Variants in ARL13B observed in about 807,000 individuals in gnomAD.
The protein encoded by ARL13B is ADP-ribosylation factor-like protein 13B.
ARL13B carries 36 observed loss-of-function variants against 56.1 expected under a neutral mutation model. The observed-to-expected ratio is 0.64, with a 90% CI of 0.49 to 0.85. The LOEUF (loss-of-function observed/expected upper bound fraction) is 0.85, where lower values mean the gene tolerates loss of function less well. Among genes scored for constraint, ARL13B ranks in the 40% least tolerant of loss-of-function variants. The pLI is 0.00. For missense variants in ARL13B, 519 were observed against 507.1 expected, an observed-to-expected ratio of 1.02 and a Z score of -0.23; for synonymous variants, 178 against 171.1, an observed-to-expected ratio of 1.04 and a Z score of -0.32.
chr3:93,985,161 T>C (rs186940138), intron 1 of ARL13B, among the ~76,000 whole-genome samples: 4 of 152,368 alleles, frequency 2.6e-5, no homozygotes, highest in Admixed American at 2.6e-4. Flanking sequence ...TTTTCATTTT[T>C]AACATTAAAA....
chr3:94,009,098 T>TAGATAGAC, intron 3 of ARL13B, among the ~76,000 whole-genome samples: 1 of 151,732 alleles, frequency 6.6e-6, no homozygotes, highest in South Asian at 2.1e-4. Flanking sequence ...GATAGATAGA[T>TAGATAGAC]AGATAGATAG....
chr3:93,988,954 G>A (rs977115706), intron 1 of ARL13B: 16 of 296,004 alleles, frequency 5.4e-5, no homozygotes, highest in Non-Finnish European at 1.0e-4. Context: ...CATCTTGGCG[G>A]CAGGAGGGGC....
intron 5 of ARL13B, among the ~76,000 whole-genome samples, chr3:94,039,415 G>T (rs1449027932): frequency 6.6e-6 from 1 of 150,904 alleles, no homozygotes; most frequent in African/African-American, 2.4e-5. Context: ...CAGGAGAATG[G>T]CGTGAACCCG....
chr3:94,012,139 G>A (rs2076234824), intron 3 of ARL13B, among the ~76,000 whole-genome samples: 1 of 151,864 alleles, frequency 6.6e-6, no homozygotes, highest in African/African-American at 2.4e-5. Flanking sequence ...AAATACTCCA[G>A]GCCCTTATCT....
rs11396818 is a variant in ARL13B, at chr3:93,981,865, C to CAAAAAAAAA, written c.59+1399_59+1407dup. Among the ~76,000 whole-genome samples the CAAAAAAAAA allele has an allele frequency of 1.8e-3, 123 of 68,152 alleles. 1 individual carries two copies. The highest frequency in any genetic ancestry group is 2.3e-3 in the Admixed American group (11 of 4,736). The allele number at this position is 68,152 out of a possible 152,430, so 44.7% of individuals were successfully genotyped here. ...TGAGTGACACAGTGCAACCCTGTCT[C>CAAAAAAAAA]AAAAAAAAAAAAAAAAAAAAAAAAG... is the stretch of plus-strand genomic sequence containing the variant. On this transcript the variant is annotated intron_variant, in intron 1 of 9. Coordinates refer to ENST00000394222, the MANE Select transcript of ARL13B (RefSeq NM_001174150.2).
intron 2 of ARL13B, chr3:93,996,744 T>C (rs1275631947): frequency 4.5e-6 from 1 of 222,888 alleles, no homozygotes; most frequent in Non-Finnish European, 1.0e-5. Flanking sequence ...GTGACTTTGT[T>C]GGGCACCTAG....
At chr3:94,017,512 G>A (rs1403473285) in intron 3 of ARL13B, among the ~76,000 whole-genome samples, 2 of 151,994 alleles carry the variant, frequency 1.3e-5, no homozygotes, top group Non-Finnish European at 2.9e-5. Flanking sequence ...CCAATGTCCT[G>A]GTAATATTCC....
intron 9 of ARL13B, among the ~76,000 whole-genome samples, chr3:94,051,592 A>T (rs2077068337): frequency 6.6e-6 from 1 of 152,124 alleles, no homozygotes; most frequent in Admixed American, 6.5e-5. Context: ...CCATCAGTCT[A>T]GGTCCCTTCA....
chr3:93,985,130 C>T (rs1710392287), intron 1 of ARL13B, among the ~76,000 whole-genome samples: 1 of 152,146 alleles, frequency 6.6e-6, no homozygotes, highest in Non-Finnish European at 1.5e-5. Flanking sequence ...TTCACATATA[C>T]TTTTTTCTTG....
intron 9 of ARL13B, among the ~76,000 whole-genome samples, chr3:94,052,723 T>A (rs948228176): frequency 2.0e-5 from 3 of 152,160 alleles, no homozygotes; most frequent in African/African-American, 7.2e-5. Context: ...CTTTTATTTT[T>A]AAAAGGGAAA....
intron 1 of ARL13B, chr3:93,988,884 A>G: frequency 2.8e-6 from 1 of 361,720 alleles, no homozygotes; most frequent in Non-Finnish European, 5.5e-6. Flanking sequence ...ACAAGTGCGC[A>G]GATCTCCTCT....
chr3:94,038,337 A>C lies in ARL13B; in HGVS notation c.690-1543A>C, dbSNP rs1044178386. 2.0e-5 allele frequency among the ~76,000 whole-genome samples: 3 copies of C among 152,246 alleles called. No homozygotes were observed. The East Asian group carries it at 5.8e-4, about 29-fold the overall frequency. On this transcript the variant is annotated intron_variant, in intron 5 of 9. Coordinates refer to ENST00000394222, the MANE Select transcript of ARL13B (RefSeq NM_001174150.2). ...AAAGTCACAGAAGTAGTAAATTGCA[A>C]ATCTCCAAATCTTGGCTTCCTAGGT...
Position 94,036,704 on chromosome 3 carries a change from A to G in ARL13B, c.639A>G (p.Glu213=). The G allele has an allele frequency of 6.8e-6, 11 of 1,613,956 alleles. No homozygotes were observed. The highest frequency in any genetic ancestry group is 9.3e-6 in the Non-Finnish European group (11 of 1,179,882). Residue 213 remains glutamate (E), a synonymous_variant, in exon 5 of 10, where the codon GAA becomes GAG. Transcript: ENST00000394222. ...CAACAGAGCAGCGTGCTCTTGAGGA[A>G]CAAGAGAAACAAGAAAGAGCTGAAC... ...KETTEQRALE[E]QEKQERAERV...
chr3:94,032,300 A>C (rs2076689910), intron 3 of ARL13B, among the ~76,000 whole-genome samples: 1 of 152,218 alleles, frequency 6.6e-6, no homozygotes, highest in Admixed American at 6.5e-5. Flanking sequence ...ATATGAAAAA[A>C]ATGCTCAATA....
chr3:94,004,007 G>T, intron 3 of ARL13B, 99 bp downstream of exon 3: 6 of 1,526,882 alleles, frequency 3.9e-6, no homozygotes, highest in Non-Finnish European at 5.4e-6. Context: ...AAATAGTCAC[G>T]CTTTAGTATA....
At chr3:94,006,852 T>A (rs2076144173) in intron 3 of ARL13B, among the ~76,000 whole-genome samples, 1 of 152,130 alleles carries the variant, frequency 6.6e-6, no homozygotes, top group Admixed American at 6.6e-5. Context: ...ATATAATAGG[T>A]CTGGCACTGA....
At chr3:93,989,026 A>T (rs539205757) in intron 1 of ARL13B, 1 of 258,668 alleles carries the variant, frequency 3.9e-6, no homozygotes, top group East Asian at 1.2e-4. Context: ...CTGCCTGGCT[A>T]CTGGCACTCC....
intron 3 of ARL13B, among the ~76,000 whole-genome samples, chr3:94,020,431 A>G (rs970180737): frequency 1.4e-4 from 22 of 151,818 alleles, no homozygotes; most frequent in Non-Finnish European, 2.8e-4. Flanking sequence ...GAAGGACTCA[A>G]CTCTTTATAC....
At position 93,995,884 on chromosome 3, in the gene ARL13B, C is replaced by T. The variant is rs777393140; in HGVS notation, c.70C>T (p.Leu24Phe). 2 of 1,611,810 alleles carry T rather than the reference C, an allele frequency of 1.2e-6. 1 individual carries two copies. The highest frequency in any genetic ancestry group is 1.7e-6 in the Non-Finnish European group (2 of 1,178,762). The change falls in exon 2 of 10, where the codon CTT becomes TTT. Residue 24 changes from leucine to phenylalanine, a missense_variant. Physicochemically the swap from Leu to Phe is conservative, Grantham distance 22 (BLOSUM62 0). Coordinates refer to ENST00000394222, the MANE Select transcript of ARL13B (RefSeq NM_001174150.2). The part of the protein sequence containing the change: ...RWREPVRKVT[L>F]LMVGLDNAGK... ...TTCTATTATTTTAAGAAAGGTGACT[C>T]TTTTGATGGTGGGACTTGATAATGC... is the stretch of plus-strand genomic sequence containing the variant.
Sources: allele counts gnomAD v4.1 joint callset (sites outside exome capture counted in the v4.1 genomes callset), GRCh38; gene constraint gnomAD v4.1.1; transcripts MANE v1.5; gene names NCBI Gene and HGNC (gene_info 2026-07-23, HGNC 2026-07-21).